Variants in ACOT7 observed in about 807,000 individuals in gnomAD.
ACOT7 encodes the protein acyl-CoA thioesterase 7.
In ACOT7, 12 loss-of-function variants were observed where a neutral mutation model predicts 40.2. That is an observed-to-expected ratio of 0.30 (90% confidence interval 0.19 to 0.48). ACOT7 has a LOEUF of 0.48. ACOT7 is among the 20% of genes least tolerant of loss of function. The pLI, the probability that ACOT7 is intolerant of heterozygous loss-of-function variation, is 0.99. For synonymous variants in ACOT7, 228 were observed against 219.5 expected (o/e 1.04, Z -0.34); for missense variants, 395 against 530.8 (o/e 0.74, Z 2.51).
chr1:6,354,897 G>A (rs1490757705), intron 1 of ACOT7, among the ~76,000 whole-genome samples: 1 of 150,552 alleles, frequency 6.6e-6, no homozygotes, highest in Admixed American at 6.7e-5. Flanking sequence ...CTCTTGCCTT[G>A]GCTGAGATCC....
chr1:6,286,552 A>T (rs1639508990), intron 7 of ACOT7, among the ~76,000 whole-genome samples: 1 of 152,084 alleles, frequency 6.6e-6, no homozygotes. Context: ...CTGGATTTAA[A>T]TCCAGGCTTG....
chr1:6,367,606 A>G (rs571851006), intron 1 of ACOT7, among the ~76,000 whole-genome samples: 10 of 152,314 alleles, frequency 6.6e-5, no homozygotes, highest in African/African-American at 2.4e-4. Context: ...GCGCACCTCA[A>G]GCAGCTTGCC....
chr1:6,334,222 C>T (rs927410072), intron 3 of ACOT7, among the ~76,000 whole-genome samples: 2 of 152,234 alleles, frequency 1.3e-5, no homozygotes, highest in Non-Finnish European at 2.9e-5. Flanking sequence ...AGCAACTGAT[C>T]GCTGCTGACA....
intron 1 of ACOT7, among the ~76,000 whole-genome samples, chr1:6,370,465 A>C (rs1267883880): frequency 1.1e-5 from 1 of 87,688 alleles, no homozygotes; most frequent in Non-Finnish European, 2.1e-5. Context: ...TAGTATTATT[A>C]TTATTATTAT....
In ACOT7 at chr1:6,294,113, C is replaced by G. The variant is rs1212953856; in HGVS notation, c.829+751G>C. On this transcript the variant is annotated intron_variant, in intron 7 of 8. Transcript: ENST00000361521. The surrounding 1 kb of genome is among the most constrained non-coding windows in gnomAD (Gnocchi z 4.6). ...TGGTGTCCTCAGAATCAGCACCAGG[C>G]CCTGACGATGCTGACACCACCCTCG... Among the ~76,000 whole-genome samples, 2 of 152,234 alleles carry G rather than the reference C, an allele frequency of 1.3e-5. No individual in the cohort carries two copies. Among genetic ancestry groups the G allele is most frequent in the Non-Finnish European group, 2.9e-5 (2 of 68,038 alleles).
chr1:6,371,238 A>G (rs1481940849), intron 1 of ACOT7, among the ~76,000 whole-genome samples: 1 of 152,248 alleles, frequency 6.6e-6, no homozygotes, highest in Non-Finnish European at 1.5e-5. Flanking sequence ...CATTTATAGA[A>G]CACAGGCAGA....
intron 8 of ACOT7, 99 bp from the exon 9 acceptor site, chr1:6,264,794 TCTGCCCCACCC>T: frequency 7.9e-7 from 1 of 1,273,692 alleles, no homozygotes. Flanking sequence ...ACCCGTGGGA[TCTGCCCCACCC>T]CTGGTGCATG....
In ACOT7 at chr1:6,311,366, T is replaced by C. The variant is rs1173625502; in HGVS notation, c.712+7126A>G. On this transcript the variant is annotated intron_variant, in intron 6 of 8. Transcript: ENST00000361521. This position sits in a 1 kb window ranked among gnomAD's most constrained non-coding sequence, Gnocchi z 5.2. ...AACCAGAACAACCCGGATCATCCCA[T>C]GGACGAGGGCCCCATGAGGGCCACA... Among the ~76,000 whole-genome samples the C allele has an allele frequency of 3.3e-5, 5 of 152,158 alleles. No homozygotes were observed. The highest frequency in any genetic ancestry group is 2.9e-5 in the Non-Finnish European group (2 of 68,014).
At chr1:6,324,129 G>C (rs1557650785) in intron 5 of ACOT7, among the ~76,000 whole-genome samples, 1 of 145,156 alleles carries the variant, frequency 6.9e-6, no homozygotes. Flanking sequence ...CCATACAGGA[G>C]ACCAGGCTGG....
chr1:6,329,961 G>A (rs1640911209), intron 4 of ACOT7, among the ~76,000 whole-genome samples: 1 of 152,182 alleles, frequency 6.6e-6, no homozygotes, highest in South Asian at 2.1e-4. Flanking sequence ...TGGGGAGGAA[G>A]GTGGAGCAAA....
chr1:6,339,326 G>T, intron 3 of ACOT7, 107 bp downstream of exon 3: 1 of 1,491,716 alleles, frequency 6.7e-7, no homozygotes, highest in Non-Finnish European at 9.2e-7. Flanking sequence ...AGGTCTCATT[G>T]GTGGAAAAGG....
intron 1 of ACOT7, among the ~76,000 whole-genome samples, chr1:6,382,385 C>G (rs959318084): frequency 2.0e-5 from 3 of 151,806 alleles, no homozygotes; most frequent in Non-Finnish European, 4.4e-5. Flanking sequence ...GCCTGGGCGA[C>G]AGAGCGAGAC....
rs1301075407 is a variant in ACOT7, at chr1:6,289,260, C to T, written c.829+5604G>A. ...GATTACAGGCGCCTGCCCCCACGCCCGGCTAATTTTTGTATTTTTAGTAGA... is the reference window on the plus strand; with the variant it reads ...GATTACAGGCGCCTGCCCCCACGCCTGGCTAATTTTTGTATTTTTAGTAGA... On this transcript the variant is annotated intron_variant, in intron 7 of 8. Transcript: ENST00000361521. The surrounding 1 kb of genome is among the most constrained non-coding windows in gnomAD (Gnocchi z 4.6). Among the ~76,000 whole-genome samples, 3 of 152,216 alleles carry T rather than the reference C, an allele frequency of 2.0e-5. No individual in the cohort carries two copies. Among genetic ancestry groups the T allele is most frequent in the South Asian group, 2.1e-4 (1 of 4,816 alleles).
intron 4 of ACOT7, among the ~76,000 whole-genome samples, chr1:6,329,257 A>G (rs778244890): frequency 9.2e-5 from 14 of 152,238 alleles, no homozygotes; most frequent in Non-Finnish European, 1.8e-4. Flanking sequence ...TCAGTTGAGA[A>G]CCCATCTTCA....
chr1:6,322,117 C>T (rs542676156), intron 5 of ACOT7, among the ~76,000 whole-genome samples: 1 of 152,298 alleles, frequency 6.6e-6, no homozygotes, highest in East Asian at 1.9e-4. Context: ...TGTCGGGGCC[C>T]CCAGGGGCTC....
chr1:6,391,239 C>G (rs1642527499), intron 1 of ACOT7, among the ~76,000 whole-genome samples: 1 of 151,030 alleles, frequency 6.6e-6, no homozygotes, highest in Admixed American at 6.6e-5. Context: ...TGGTTCACAC[C>G]TGTAATCCCA....
At chr1:6,276,421 C>G (rs1289822543) in intron 8 of ACOT7, among the ~76,000 whole-genome samples, 1 of 152,118 alleles carries the variant, frequency 6.6e-6, no homozygotes, top group Non-Finnish European at 1.5e-5. Flanking sequence ...TCTTCTAATA[C>G]GAGACCGAGA....
In ACOT7 at chr1:6,274,924, C is replaced by A. The variant is rs1400845206; in HGVS notation, c.1014+6178G>T. ...CTCCTCCCAGGACCCCACAGTAGGG[C>A]CTGGCTGGGAGAAAGCACAGTGGCA... On this transcript the variant is annotated intron_variant, in intron 8 of 8. Transcript: ENST00000361521. This position sits in a 1 kb window ranked among gnomAD's most constrained non-coding sequence, Gnocchi z 5.9. Among the ~76,000 whole-genome samples, 2 of 152,208 alleles carry A rather than the reference C, an allele frequency of 1.3e-5. No individual in the cohort carries two copies. Among genetic ancestry groups the A allele is most frequent in the Non-Finnish European group, 2.9e-5 (2 of 68,030 alleles).
In ACOT7 at chr1:6,358,924, AG is replaced by A. The variant is rs1641824693; in HGVS notation, c.144-9059del. The A allele has an allele frequency of 6.3e-7, 1 of 1,583,296 alleles. No individual in the cohort carries two copies. The highest frequency in any genetic ancestry group is 1.8e-5 in the Admixed American group (1 of 55,776). ...GCATCACAGAGTCCTTGCCTGACCCAGGACTGTCCCAGCTCCCTGCCACACC... is the reference window on the plus strand; with the variant it reads ...GCATCACAGAGTCCTTGCCTGACCCAGACTGTCCCAGCTCCCTGCCACACC... On this transcript the variant is annotated intron_variant, in intron 1 of 8. Coordinates refer to ENST00000361521, the MANE Select transcript of ACOT7 (RefSeq NM_007274.4). This position sits in a 1 kb window ranked among gnomAD's most constrained non-coding sequence, Gnocchi z 4.1.
Sources: gnomAD v4.1 joint callset for allele counts (sites outside exome capture counted in the v4.1 genomes callset) on GRCh38, gnomAD v4.1.1 for gene constraint, Gnocchi (gnomAD v3.1) non-coding constraint, MANE v1.5 for transcripts, NCBI Gene and HGNC (gene_info 2026-07-23, HGNC 2026-07-21) for gene names.